DLGAP1: variants seen among roughly 807,000 people sequenced by gnomAD.
The protein encoded by DLGAP1 is disks large-associated protein 1.
A neutral mutation model predicts 90.8 loss-of-function variants in DLGAP1; 11 were observed. That is an observed-to-expected ratio of 0.12 (90% CI 0.08 to 0.20). DLGAP1 has a LOEUF of 0.20. Among genes scored for constraint, DLGAP1 ranks in the 10% least tolerant of loss-of-function variants. DLGAP1 has a pLI of 1.00. For synonymous variants in DLGAP1, 558 were observed against 540.7 expected, an observed-to-expected ratio of 1.03 and a Z score of -0.44; for missense variants, 1,050 against 1,333.8, an observed-to-expected ratio of 0.79 and a Z score of 3.31.
chr18:3,810,985 T>C (rs1301636122), intron 5 of DLGAP1, among the ~76,000 whole-genome samples: 1 of 151,944 alleles, frequency 6.6e-6, no homozygotes, highest in Non-Finnish European at 1.5e-5. Context: ...TTTGTAGTTT[T>C]TGTAGAGACA....
At chr18:3,804,588 A>G (rs963070121) in intron 5 of DLGAP1, among the ~76,000 whole-genome samples, 4 of 152,232 alleles carry the variant, frequency 2.6e-5, no homozygotes, top group Non-Finnish European at 4.4e-5. Context: ...TCAGAGAACC[A>G]CAGATTCAGA....
chr18:4,359,817 GA>G (rs1357184846), intron 1 of DLGAP1, among the ~76,000 whole-genome samples: 4 of 152,162 alleles, frequency 2.6e-5, no homozygotes, highest in Non-Finnish European at 4.4e-5. Flanking sequence ...AGACACTGGA[GA>G]TAAAGTAGGG....
At chr18:4,281,398 C>G in intron 1 of DLGAP1, among the ~76,000 whole-genome samples, 1 of 151,998 alleles carries the variant, frequency 6.6e-6, no homozygotes, top group Non-Finnish European at 1.5e-5. Flanking sequence ...TAAAAAAATA[C>G]AAAAACTTAG....
intron 3 of DLGAP1, among the ~76,000 whole-genome samples, chr18:3,893,838 T>C (rs2071545222): frequency 6.6e-6 from 1 of 152,056 alleles, no homozygotes; most frequent in African/African-American, 2.4e-5. Context: ...CCACCAAAAG[T>C]GTATAGACAT....
chr18:4,219,514 C>T (rs2078032757), intron 1 of DLGAP1, among the ~76,000 whole-genome samples: 1 of 151,912 alleles, frequency 6.6e-6, no homozygotes, highest in Admixed American at 6.6e-5. Context: ...TATTTTGTTG[C>T]CTGTGCTTTT....
chr18:4,256,225 A>C (rs1018490981), intron 1 of DLGAP1, among the ~76,000 whole-genome samples: 3 of 152,162 alleles, frequency 2.0e-5, no homozygotes, highest in Non-Finnish European at 4.4e-5. Context: ...TCTCTACAAC[A>C]AACACACACA....
chr18:4,395,507 G>A (rs2082421884), intron 1 of DLGAP1, among the ~76,000 whole-genome samples: 1 of 152,194 alleles, frequency 6.6e-6, no homozygotes, highest in African/African-American at 2.4e-5. Context: ...TAACCTGGGA[G>A]ACCTGCTGGG....
At chr18:4,177,933 G>A (rs1568435956) in intron 1 of DLGAP1, among the ~76,000 whole-genome samples, 1 of 151,922 alleles carries the variant, frequency 6.6e-6, no homozygotes, top group Non-Finnish European at 1.5e-5. Context: ...AAACATACAG[G>A]TGCATGTGTC....
In DLGAP1 at chr18:3,581,724, C is replaced by T. The variant is rs990177819; in HGVS notation, c.1965+151G>A. On this transcript the variant is annotated intron_variant, in intron 8 of 12. Transcript: ENST00000315677. The stretch of plus-strand genomic sequence containing the variant: ...AATCTTGGTCACATTTAACAGTATA[C>T]GGAGTCCACAGCCAATCACTTGAAA... The T allele has an allele frequency of 3.0e-5, 26 of 877,408 alleles. No homozygotes were observed. In the African/African-American group the frequency reaches 3.4e-4, roughly 11 times the overall value. 54.4% of individuals were successfully genotyped at this position (877,408 alleles called of 1,614,324 possible).
At chr18:4,082,540 G>T (rs377643723) in intron 2 of DLGAP1, among the ~76,000 whole-genome samples, 3 of 112,900 alleles carry the variant, frequency 2.7e-5, no homozygotes, top group African/African-American at 7.1e-5. Context: ...AAAAAGAAGG[G>T]TGTATAACCA....
At chr18:3,648,495 G>C (rs1166067320) in intron 7 of DLGAP1, among the ~76,000 whole-genome samples, 1 of 152,214 alleles carries the variant, frequency 6.6e-6, no homozygotes, top group Non-Finnish European at 1.5e-5. Flanking sequence ...TTCAGCAGTT[G>C]TCTACATTAT....
intron 3 of DLGAP1, among the ~76,000 whole-genome samples, chr18:3,973,498 T>C (rs994494292): frequency 7.2e-5 from 11 of 152,166 alleles, no homozygotes; most frequent in African/African-American, 2.7e-4. Flanking sequence ...GTGGAGTATA[T>C]GGTTCCTGCT....
intron 6 of DLGAP1, among the ~76,000 whole-genome samples, chr18:3,736,356 A>AT (rs1308667726): frequency 3.3e-5 from 5 of 152,166 alleles, no homozygotes; most frequent in East Asian, 1.9e-4. Context: ...AACATACTTA[A>AT]TTTTTTTCCT....
intron 3 of DLGAP1, among the ~76,000 whole-genome samples, chr18:3,938,355 A>AG (rs917925117): frequency 3.9e-5 from 6 of 152,156 alleles, no homozygotes; most frequent in Non-Finnish European, 8.8e-5. Flanking sequence ...AAAATAAAGA[A>AG]GGGCCTGGGG....
intron 2 of DLGAP1, among the ~76,000 whole-genome samples, chr18:4,005,624 C>T (rs577246021): frequency 6.6e-6 from 1 of 152,240 alleles, no homozygotes; most frequent in Admixed American, 6.5e-5. Flanking sequence ...TTTAGCAGGT[C>T]CCTTTCTGCA....
intron 5 of DLGAP1, among the ~76,000 whole-genome samples, chr18:3,796,383 C>T (rs538699710): frequency 2.0e-5 from 3 of 152,244 alleles, no homozygotes; most frequent in South Asian, 4.2e-4. Flanking sequence ...ACAGATTCTC[C>T]GGTATACAAA....
chr18:4,010,041 C>T (rs2074385638), intron 2 of DLGAP1, among the ~76,000 whole-genome samples: 1 of 152,196 alleles, frequency 6.6e-6, no homozygotes, highest in Non-Finnish European at 1.5e-5. Flanking sequence ...TATCTGTGAT[C>T]CACAAGGAGC....
At chr18:3,555,749 G>T (rs1044854136) in intron 9 of DLGAP1, among the ~76,000 whole-genome samples, 1 of 152,150 alleles carries the variant, frequency 6.6e-6, no homozygotes, top group Non-Finnish European at 1.5e-5. Context: ...GGCGGAGGTT[G>T]CAGTGAGCCA....
intron 3 of DLGAP1, among the ~76,000 whole-genome samples, chr18:3,980,729 A>G (rs2073709551): frequency 6.6e-6 from 1 of 152,152 alleles, no homozygotes; most frequent in African/African-American, 2.4e-5. Flanking sequence ...GCTTTTTACA[A>G]ATTTATTTAT....
Sources: allele counts gnomAD v4.1 joint callset (sites outside exome capture counted in the v4.1 genomes callset), GRCh38; gene constraint gnomAD v4.1.1; transcripts MANE v1.5; gene names NCBI Gene and HGNC (gene_info 2026-07-23, HGNC 2026-07-21).